Variants in CDKL3 observed in about 807,000 individuals in gnomAD.
CDKL3 encodes the protein cyclin dependent kinase like 3, also known as cyclin-dependent kinase-like 3.
CDKL3 carries 65 observed loss-of-function variants against 69.3 expected under a neutral mutation model. The observed-to-expected ratio is 0.94, with a 90% CI of 0.77 to 1.15. CDKL3 has a LOEUF of 1.15. Ranked by LOEUF, CDKL3 falls within the 50% of genes most tolerant of loss-of-function variation. The pLI is 0.00. For synonymous variants in CDKL3, 202 were observed against 221.6 expected (o/e 0.91, Z 0.79); for missense variants, 652 against 689.2 (o/e 0.95, Z 0.61).
chr5:134,354,781 T>A (rs1754158725), intron 3 of CDKL3, among the ~76,000 whole-genome samples: 1 of 152,070 alleles, frequency 6.6e-6, no homozygotes, highest in Non-Finnish European at 1.5e-5. Flanking sequence ...ACCCCGTCTC[T>A]ACTAAAAATA....
At chr5:134,289,163 T>TAAAAAAAAAAAAAAAAAAAAAAAAGAA (rs34873718) in intron 8 of CDKL3, among the ~76,000 whole-genome samples, 1 of 80,318 alleles carries the variant, frequency 1.2e-5, no homozygotes, top group African/African-American at 4.0e-5. Flanking sequence ...CCCTGTCTCA[T>TAAAAAAAAAAAAAAAAAAAAAAAAGAA]AAAAAAAAAA....
At chr5:134,306,974 C>T (rs140468671) in intron 9 of CDKL3, among the ~76,000 whole-genome samples, 87 of 152,118 alleles carry the variant, frequency 5.7e-4, no homozygotes, top group African/African-American at 2.0e-3. Flanking sequence ...AGGCTGGTCT[C>T]GAACTCCTGA....
intron 8 of CDKL3, among the ~76,000 whole-genome samples, chr5:134,293,267 G>T (rs1030390256): frequency 6.6e-6 from 1 of 151,726 alleles, no homozygotes; most frequent in African/African-American, 2.4e-5. Flanking sequence ...TGATCTGCCC[G>T]CCTCGGCCTC....
chr5:134,339,510 A>G (rs1209096220), intron 4 of CDKL3, among the ~76,000 whole-genome samples: 1 of 152,186 alleles, frequency 6.6e-6, no homozygotes, highest in Non-Finnish European at 1.5e-5. Flanking sequence ...AAGCATGTCT[A>G]AACCAATTAG....
chr5:134,347,697 T>TAAAAAAAAAAAAAAAAAAAAAA (rs1175296441), intron 4 of CDKL3, among the ~76,000 whole-genome samples: 1 of 52,826 alleles, frequency 1.9e-5, no homozygotes, highest in Non-Finnish European at 3.7e-5. Flanking sequence ...CCATCTCTGC[T>TAAAAAAAAAAAAAAAAAAAAAA]AAAAAAAAAA....
At position 134,306,542 on chromosome 5, in the gene CDKL3, T is replaced by C. The variant is rs140840904; in HGVS notation, c.1458+67A>G. On this transcript the variant is annotated intron_variant, in intron 10 of 12. Transcript: ENST00000265334. ...CAAAAAAGTATTAGAGCCCTAAAGA[T>C]AGAGAAAAGGAAAAAAGAAGTAATG... 1.3e-4 allele frequency: 124 copies of C among 933,450 alleles called. No individual in the cohort carries two copies. In the African/African-American group the frequency reaches 1.7e-3, roughly 13 times the overall value. The allele number at this position is 933,450 out of a possible 1,614,324, so 57.8% of individuals were successfully genotyped here.
chr5:134,290,509 A>T (rs1765083676), intron 8 of CDKL3, among the ~76,000 whole-genome samples: 1 of 152,150 alleles, frequency 6.6e-6, no homozygotes, highest in South Asian at 2.1e-4. Flanking sequence ...TGCTGCAGGA[A>T]TTGCAAAGGG....
chr5:134,333,457 ATAAATAGCTCTTAT>A (rs1776294648), intron 4 of CDKL3, among the ~76,000 whole-genome samples: 1 of 152,224 alleles, frequency 6.6e-6, no homozygotes, highest in Admixed American at 6.5e-5. Flanking sequence ...TGGGTTTGTC[ATAAATAGCTCTTAT>A]TTTGAGATAC....
At chr5:134,367,331 A>G (rs530415140), upstream of CDKL3, 2 of 983,478 alleles carry the variant, frequency 2.0e-6, no homozygotes, top group South Asian at 4.7e-5. Flanking sequence ...GCCTCCTCAC[A>G]AGGTTGCTTT....
chr5:134,366,264 G>A lies in CDKL3; in HGVS notation c.165+95C>T, dbSNP rs966010277. On this transcript the variant is annotated intron_variant, in intron 2 of 12. Coordinates refer to ENST00000265334, the MANE Select transcript of CDKL3 (RefSeq NM_001113575.2). ...TATTACACTTGTTTCTCCATAATAT[G>A]AATCAGTACGTGTGAACTAAAATAT... 4 of 785,356 alleles carry A rather than the reference G, an allele frequency of 5.1e-6. No homozygotes were observed. In the Admixed American group the frequency reaches 1.3e-4, roughly 26 times the overall value. The allele number at this position is 785,356 out of a possible 1,614,324, so 48.6% of individuals were successfully genotyped here. A position where few individuals can be genotyped will look rare whatever the true frequency, so the allele number is the denominator to read the frequency against.
chr5:134,342,069 C>T (rs1213961055), intron 4 of CDKL3, among the ~76,000 whole-genome samples: 1 of 152,182 alleles, frequency 6.6e-6, no homozygotes, highest in East Asian at 1.9e-4. Context: ...CCATGTCCTT[C>T]ATCTCCTTGG....
chr5:134,354,687 G>A (rs992076590), intron 3 of CDKL3, among the ~76,000 whole-genome samples: 8 of 152,202 alleles, frequency 5.3e-5, no homozygotes, highest in East Asian at 1.9e-4. Context: ...GGTGGCTCAC[G>A]CCTGTAATCC....
At chr5:134,330,958 T>C (rs778916593) in intron 4 of CDKL3, among the ~76,000 whole-genome samples, 2 of 152,188 alleles carry the variant, frequency 1.3e-5, no homozygotes, top group South Asian at 4.1e-4. Flanking sequence ...TCATCATCTG[T>C]CACAGTTTTT....
intron 2 of CDKL3, among the ~76,000 whole-genome samples, chr5:134,362,294 C>T (rs897413336): frequency 2.0e-5 from 3 of 152,128 alleles, no homozygotes; most frequent in African/African-American, 4.8e-5. Context: ...CCAAGGCAGG[C>T]GGATCACCTG....
At chr5:134,328,044 T>C (rs1362672603) in intron 4 of CDKL3, among the ~76,000 whole-genome samples, 1 of 151,690 alleles carries the variant, frequency 6.6e-6, no homozygotes, top group Non-Finnish European at 1.5e-5. Flanking sequence ...GAAGGAGGGG[T>C]CCCATACCCA....
chr5:134,335,141 CTTTTT>C (rs374206722), intron 4 of CDKL3, among the ~76,000 whole-genome samples: 1 of 136,052 alleles, frequency 7.4e-6, no homozygotes, highest in African/African-American at 2.7e-5. Context: ...TCAACCTCTG[CTTTTT>C]TTTTTTTTTT....
chr5:134,367,636 A>C (rs1489418393), upstream of CDKL3, among the ~76,000 whole-genome samples: 1 of 151,940 alleles, frequency 6.6e-6, no homozygotes, highest in Non-Finnish European at 1.5e-5. Context: ...GGCCTCCCAA[A>C]GTGCTGGGAT....
downstream of CDKL3, among the ~76,000 whole-genome samples, chr5:134,283,454 C>G (rs544865811): frequency 1.8e-4 from 27 of 152,202 alleles, no homozygotes; most frequent in African/African-American, 6.0e-4. Flanking sequence ...TGGATGGCAG[C>G]ATGCAAAGAG....
At chr5:134,344,661 C>T (rs1346185208) in intron 4 of CDKL3, among the ~76,000 whole-genome samples, 2 of 152,128 alleles carry the variant, frequency 1.3e-5, no homozygotes, top group Admixed American at 1.3e-4. Flanking sequence ...TGGTGGCTCA[C>T]ACCTATCATC....
Sources: gnomAD v4.1 joint callset for allele counts (sites outside exome capture counted in the v4.1 genomes callset) on GRCh38, gnomAD v4.1.1 for gene constraint, MANE v1.5 for transcripts, NCBI Gene and HGNC (gene_info 2026-07-23, HGNC 2026-07-21) for gene names.